TRIM5: variants seen among roughly 807,000 people sequenced by gnomAD.
The protein encoded by TRIM5 is tripartite motif containing 5.
In TRIM5, 31 loss-of-function variants were observed where a neutral mutation model predicts 35.6. The ratio of observed to expected loss-of-function variants is 0.87; its 90% CI spans 0.65 to 1.18. TRIM5 has a LOEUF of 1.18. Ranked by LOEUF, TRIM5 falls within the 50% of genes most tolerant of loss-of-function variation. The probability of loss-of-function intolerance (pLI) is 0.00; values close to 1 mark genes in which losing one functional copy is unlikely to be tolerated. For synonymous variants in TRIM5, 243 were observed against 215.6 expected (o/e 1.13, Z -1.11); for missense variants, 609 against 591.6 (o/e 1.03, Z -0.31).
chr11:5,629,276 CA>C, the TRIM5 span, among the ~76,000 whole-genome samples: 5 of 148,604 alleles, frequency 3.4e-5, no homozygotes, highest in Admixed American at 6.7e-5. Context: ...AACTCCATCT[CA>C]AAAAAAAACA....
chr11:5,616,522 A>C, the TRIM5 span, among the ~76,000 whole-genome samples: 1 of 145,142 alleles, frequency 6.9e-6, no homozygotes, highest in Non-Finnish European at 1.5e-5. Flanking sequence ...TTTGCTGTAT[A>C]ACTGCTTTGT....
chr11:5,681,066 A>G (rs530962270), intron 1 of TRIM5, among the ~76,000 whole-genome samples: 53 of 152,210 alleles, frequency 3.5e-4, no homozygotes, highest in Non-Finnish European at 6.5e-4. Context: ...TGCCAAGGAC[A>G]TTTATTGGAG....
the TRIM5 span, among the ~76,000 whole-genome samples, chr11:5,638,947 T>C: frequency 1.7e-3 from 253 of 152,310 alleles, 3 homozygotes; most frequent in South Asian, 3.9e-3. Context: ...TTAAGCTCTA[T>C]GCCTTCACGT....
intron 2 of TRIM5, 41 bp downstream of exon 2, chr11:5,679,720 C>T: frequency 4.6e-6 from 7 of 1,514,104 alleles, no homozygotes; most frequent in Non-Finnish European, 6.2e-6. Context: ...TCCATCTGGT[C>T]CCATTTTCTG....
At chr11:5,603,585 G>C in the TRIM5 span, 1 of 1,613,908 alleles carries the variant, frequency 6.2e-7, no homozygotes, top group East Asian at 2.2e-5. Flanking sequence ...CTGGGAAGCA[G>C]CTGAAAGCAG....
Position 5,663,489 on chromosome 11 carries a change from G to A in TRIM5, c.*1320C>T, listed in dbSNP as rs1207082556. The A allele has an allele frequency of 1.0e-6, 1 of 985,066 alleles. No individual in the cohort carries two copies. Among genetic ancestry groups the A allele is most frequent in the Non-Finnish European group, 1.2e-6 (1 of 829,740 alleles). 61.0% of individuals were successfully genotyped at this position (985,066 alleles called of 1,614,324 possible). A position where few individuals can be genotyped will look rare whatever the true frequency, so the allele number is the denominator to read the frequency against. On this transcript the variant is annotated 3_prime_UTR_variant, in exon 8 of 8. Coordinates refer to ENST00000380034, the MANE Select transcript of TRIM5 (RefSeq NM_033034.3). ...CCTGAAGGCACAACCTGTTCCATGAGACATTAACAGAGTTTATGTTTTTCA... is the reference window on the plus strand; with the variant it reads ...CCTGAAGGCACAACCTGTTCCATGAAACATTAACAGAGTTTATGTTTTTCA...
the TRIM5 span, chr11:5,608,307 A>T: frequency 6.2e-7 from 1 of 1,603,388 alleles, no homozygotes; most frequent in Non-Finnish European, 8.5e-7. Context: ...GGGACATGGA[A>T]GGAGAAATGT....
At chr11:5,635,318 C>G in the TRIM5 span, among the ~76,000 whole-genome samples, 4 of 145,488 alleles carry the variant, frequency 2.7e-5, no homozygotes, top group African/African-American at 5.2e-5. Flanking sequence ...TGCAGTGGTG[C>G]GATCTCGGCT....
the TRIM5 span, chr11:5,604,767 A>G: frequency 6.6e-5 from 55 of 831,528 alleles, no homozygotes; most frequent in Non-Finnish European, 9.3e-5. Flanking sequence ...GTCCTCCACT[A>G]TATTCCTTCC....
At chr11:5,658,396 C>T (rs1313150202), downstream of TRIM5, among the ~76,000 whole-genome samples, 1 of 152,138 alleles carries the variant, frequency 6.6e-6, no homozygotes, top group Non-Finnish European at 1.5e-5. Flanking sequence ...GATAAAAAAC[C>T]TTGCACTCGT....
the TRIM5 span, chr11:5,605,347 A>G: frequency 6.2e-7 from 1 of 1,614,112 alleles, no homozygotes; most frequent in Non-Finnish European, 8.5e-7. Flanking sequence ...AATCAGATGG[A>G]GCCTGAGAGA....
the TRIM5 span, among the ~76,000 whole-genome samples, chr11:5,657,161 G>A: frequency 2.6e-5 from 4 of 152,086 alleles, no homozygotes; most frequent in Non-Finnish European, 4.4e-5. Context: ...GTCCTTTGCA[G>A]GGACATGGAT....
At chr11:5,638,075 G>A in the TRIM5 span, among the ~76,000 whole-genome samples, 8 of 152,166 alleles carry the variant, frequency 5.3e-5, no homozygotes, top group South Asian at 6.2e-4. Context: ...GTAAATCAGC[G>A]TATCCAATCC....
chr11:5,659,668 C>T (rs371990364), downstream of TRIM5, among the ~76,000 whole-genome samples: 4 of 151,932 alleles, frequency 2.6e-5, no homozygotes, highest in East Asian at 3.9e-4. Flanking sequence ...ATGGTACAGA[C>T]CATAGAACAT....
the TRIM5 span, among the ~76,000 whole-genome samples, chr11:5,650,631 G>A: frequency 6.6e-6 from 1 of 152,182 alleles, no homozygotes; most frequent in East Asian, 1.9e-4. Context: ...CTTGTATTTT[G>A]TTTTAGGGCC....
the TRIM5 span, among the ~76,000 whole-genome samples, chr11:5,599,494 T>C: frequency 1.3e-5 from 2 of 152,040 alleles, no homozygotes; most frequent in African/African-American, 4.8e-5. Flanking sequence ...AGCTCCACCT[T>C]CCGGGTTCAC....
the TRIM5 span, among the ~76,000 whole-genome samples, chr11:5,594,587 G>T: frequency 2.6e-5 from 4 of 152,120 alleles, no homozygotes; most frequent in Admixed American, 2.0e-4. Context: ...GATTACAAGC[G>T]AGCCAACATG....
chr11:5,679,915 T>C lies in TRIM5; in HGVS notation c.263A>G (p.Glu88Gly). 1 of 1,613,922 alleles carries C rather than the reference T, an allele frequency of 6.2e-7. No individual in the cohort carries two copies. The highest frequency in any genetic ancestry group is 2.2e-5 in the East Asian group (1 of 44,870). ...TGCACAATGATCAACTTTCTGCCCC[T>C]CTGGGCTCAACTTGACCTCCCTGAG... ...EKLREVKLSP[E>G]GQKVDHCARH... Residue 88 changes from glutamate (E) to glycine (G), a missense_variant, in exon 2 of 8, where the codon GAG becomes GGG. Coordinates refer to ENST00000380034, the MANE Select transcript of TRIM5 (RefSeq NM_033034.3).
At chr11:5,604,143 C>G in the TRIM5 span, among the ~76,000 whole-genome samples, 1 of 151,886 alleles carries the variant, frequency 6.6e-6, no homozygotes, top group Non-Finnish European at 1.5e-5. Flanking sequence ...TGTAGGTGTG[C>G]ACCACCATGC....
Sources: gnomAD v4.1 joint callset for allele counts (sites outside exome capture counted in the v4.1 genomes callset) on GRCh38, gnomAD v4.1.1 for gene constraint, MANE v1.5 for transcripts, NCBI Gene and HGNC (gene_info 2026-07-23, HGNC 2026-07-21) for gene names.